The following LOC400499 variants were observed in gnomAD, a reference collection of about 807,000 sequenced individuals.
chr16:11,373,726 T>C, the LOC400499 span, among the ~76,000 whole-genome samples: 1 of 152,100 alleles, frequency 6.6e-6, no homozygotes, highest in Non-Finnish European at 1.5e-5. Flanking sequence ...TTCAAGTGAT[T>C]CTCTTGCCTC....
At chr16:11,382,474 G>A in the LOC400499 span, among the ~76,000 whole-genome samples, 8 of 152,158 alleles carry the variant, frequency 5.3e-5, no homozygotes, top group African/African-American at 1.7e-4. Context: ...CTCACCACAT[G>A]GGATCTGATG....
At chr16:11,423,094 G>T in the LOC400499 span, 1 of 399,036 alleles carries the variant, frequency 2.5e-6, no homozygotes, top group South Asian at 1.3e-4. Context: ...CACCTCAGAC[G>T]GCCCCTGTGA....
chr16:11,393,573 G>A, the LOC400499 span: 10 of 1,232,220 alleles, frequency 8.1e-6, no homozygotes, highest in African/African-American at 1.6e-5. Context: ...GGAGGGGGAA[G>A]GCAGAGGCCT....
the LOC400499 span, among the ~76,000 whole-genome samples, chr16:11,463,169 C>A: frequency 1.3e-5 from 2 of 152,184 alleles, no homozygotes; most frequent in Non-Finnish European, 2.9e-5. Flanking sequence ...ACACACTCCA[C>A]GGCCCCGCAA....
chr16:11,385,547 C>CA, the LOC400499 span: 6 of 546,992 alleles, frequency 1.1e-5, no homozygotes, highest in Non-Finnish European at 1.7e-5. Flanking sequence ...TGGATTCCCC[C>CA]TCCCCTGGCG....
chr16:11,459,460 T>C, the LOC400499 span, among the ~76,000 whole-genome samples: 2 of 152,060 alleles, frequency 1.3e-5, no homozygotes. Flanking sequence ...CCTCCCAAAG[T>C]GCTGGGATTA....
the LOC400499 span, among the ~76,000 whole-genome samples, chr16:11,496,028 G>A: frequency 3.9e-5 from 6 of 152,026 alleles, no homozygotes; most frequent in Non-Finnish European, 8.8e-5. Flanking sequence ...GGGACTGCTT[G>A]GCAGCTGTGG....
the LOC400499 span, among the ~76,000 whole-genome samples, chr16:11,412,193 C>G: frequency 2.6e-5 from 4 of 152,162 alleles, no homozygotes; most frequent in African/African-American, 9.7e-5. Flanking sequence ...CTCCAGGGTG[C>G]TACACCCTCT....
chr16:11,391,121 C>G, the LOC400499 span, among the ~76,000 whole-genome samples: 2 of 152,254 alleles, frequency 1.3e-5, no homozygotes, highest in African/African-American at 2.4e-5. Context: ...TCTGGCACAG[C>G]AGGGAGGATC....
the LOC400499 span, chr16:11,425,385 C>T: frequency 2.1e-4 from 83 of 399,340 alleles, 1 homozygote; most frequent in Admixed American, 2.0e-3. Flanking sequence ...ATGCTGGTCC[C>T]GCAGGAGGAA....
chr16:11,417,928 G>A, the LOC400499 span: 3 of 397,970 alleles, frequency 7.5e-6, no homozygotes, highest in Non-Finnish European at 1.3e-5. Context: ...AAACCCTGGG[G>A]TTATCAGTGC....
the LOC400499 span, chr16:11,488,689 G>C: frequency 5.0e-6 from 2 of 398,752 alleles, no homozygotes; most frequent in African/African-American, 4.1e-5. Flanking sequence ...CAGGACAGGG[G>C]CTGCCCAGGA....
the LOC400499 span, chr16:11,411,195 G>A: frequency 5.8e-5 from 23 of 399,076 alleles, no homozygotes; most frequent in Non-Finnish European, 8.8e-5. Flanking sequence ...CTCCTGCCTC[G>A]GGCTGGGCAT....
the LOC400499 span, among the ~76,000 whole-genome samples, chr16:11,513,100 C>G: frequency 3.9e-5 from 6 of 152,220 alleles, no homozygotes; most frequent in African/African-American, 1.4e-4. Flanking sequence ...GTCACTTATA[C>G]GAAAAATTTA....
chr16:11,381,354 G>C, the LOC400499 span, among the ~76,000 whole-genome samples: 18 of 152,152 alleles, frequency 1.2e-4, no homozygotes, highest in South Asian at 2.1e-4. Flanking sequence ...TCTCGCCTCA[G>C]CCTCCCAAAG....
At chr16:11,431,994 T>C in the LOC400499 span, among the ~76,000 whole-genome samples, 1 of 152,194 alleles carries the variant, frequency 6.6e-6, no homozygotes, top group Admixed American at 6.5e-5. Flanking sequence ...CCCAGCCACC[T>C]GGTAAGAAGT....
the LOC400499 span, among the ~76,000 whole-genome samples, chr16:11,482,015 T>A: frequency 6.6e-6 from 1 of 152,272 alleles, no homozygotes; most frequent in African/African-American, 2.4e-5. Context: ...AATGATTCCA[T>A]TTATATAAAG....
the LOC400499 span, among the ~76,000 whole-genome samples, chr16:11,450,320 G>A: frequency 6.6e-6 from 1 of 152,224 alleles, no homozygotes; most frequent in Non-Finnish European, 1.5e-5. Context: ...AAAGCCGAAT[G>A]TCCATCTGTT....
chr16:11,380,475 G>A, the LOC400499 span, among the ~76,000 whole-genome samples: 1 of 151,966 alleles, frequency 6.6e-6, no homozygotes, highest in Non-Finnish European at 1.5e-5. Flanking sequence ...AGCTACTCGG[G>A]AGGCTGCACC....
Sources: gnomAD v4.1 joint callset for allele counts (sites outside exome capture counted in the v4.1 genomes callset) on GRCh38, gnomAD v4.1.1 for gene constraint, MANE v1.5 for transcripts.